The following EIF2A variants were observed in gnomAD, a reference collection of about 807,000 sequenced individuals.
EIF2A encodes eukaryotic translation initiation factor 2A.
Under a neutral mutation model 75.2 loss-of-function variants are expected in EIF2A, and 62 were observed. The ratio of observed to expected loss-of-function variants is 0.82; its 90% CI spans 0.67 to 1.02. The LOEUF is 1.02. EIF2A is among the 50% of genes least tolerant of loss of function. The pLI, the probability that EIF2A is intolerant of heterozygous loss-of-function variation, is 0.00. For synonymous variants in EIF2A, 207 were observed against 239.0 expected (o/e 0.87, Z 1.23); for missense variants, 611 against 677.7 (o/e 0.90, Z 1.09).
intron 10 of EIF2A, among the ~76,000 whole-genome samples, chr3:150,573,452 C>T (rs1410086026): frequency 6.6e-6 from 1 of 152,086 alleles, no homozygotes; most frequent in Admixed American, 6.6e-5. Context: ...GGGTTTTGCC[C>T]TGTTGGCCAG....
intron 10 of EIF2A, among the ~76,000 whole-genome samples, chr3:150,573,782 T>A (rs922357457): frequency 6.6e-6 from 1 of 151,636 alleles, no homozygotes; most frequent in African/African-American, 2.4e-5. Context: ...AGGAGGAGAG[T>A]TACACAGCAG....
intron 12 of EIF2A, 85 bp from the exon 13 acceptor site, chr3:150,583,115 A>C: frequency 8.9e-7 from 1 of 1,119,186 alleles, no homozygotes; most frequent in East Asian, 2.6e-5. Flanking sequence ...TAATCTCCTT[A>C]CTTGAGTTTC....
chr3:150,548,776 C>T lies in EIF2A; in HGVS notation c.28+1946C>T, dbSNP rs553623902. ...CTTAAAATCAGGGACTTTGTAAGAG[C>T]TTAAATGTTGTCTGTTCAGTCTACT... On this transcript the variant is annotated intron_variant, in intron 1 of 13. Coordinates refer to ENST00000460851, the MANE Select transcript of EIF2A (RefSeq NM_032025.5). Among the ~76,000 whole-genome samples the T allele has an allele frequency of 1.2e-4, 18 of 152,274 alleles. 1 individual carries two copies. The South Asian group carries it at 3.7e-3, about 32-fold the overall frequency.
At chr3:150,563,712 TATC>T (rs1724007266) in intron 5 of EIF2A, 98 bp downstream of exon 5, 2 of 972,020 alleles carry the variant, frequency 2.1e-6, no homozygotes, top group Non-Finnish European at 2.9e-6. Flanking sequence ...AAAAATAACT[TATC>T]AGACAAAAAT....
intron 11 of EIF2A, among the ~76,000 whole-genome samples, chr3:150,578,244 C>T (rs994388045): frequency 1.3e-5 from 2 of 149,916 alleles, no homozygotes; most frequent in African/African-American, 4.9e-5. Context: ...TTCCTTTATA[C>T]TTATTATATA....
At position 150,585,491 on chromosome 3, in the gene EIF2A, G is replaced by A. The variant is rs1725422008; in HGVS notation, c.*1580G>A. The A allele has an allele frequency of 6.6e-6, 1 of 151,170 alleles. No homozygotes were observed. The highest frequency in any genetic ancestry group is 2.4e-5 in the African/African-American group (1 of 41,098). The allele number at this position is 151,170 out of a possible 1,614,324, so 9.4% of individuals were successfully genotyped here. On this transcript the variant is annotated 3_prime_UTR_variant, in exon 14 of 14. Coordinates refer to ENST00000460851, the MANE Select transcript of EIF2A (RefSeq NM_032025.5). Reference sequence around the variant, plus strand: ...CCGACATCGTGCCATTGCACTCCAAGCCTGGGCAACAAGAGTGAAACCGTC... The same window carrying A: ...CCGACATCGTGCCATTGCACTCCAAACCTGGGCAACAAGAGTGAAACCGTC...
Position 150,563,534 on chromosome 3 carries a change from T to C in EIF2A, c.312T>C (p.Ala104=). The change falls in exon 5 of 14, where the codon GCT becomes GCC. Residue 104 remains alanine, a synonymous_variant. Coordinates refer to ENST00000460851, the MANE Select transcript of EIF2A (RefSeq NM_032025.5). ...TTGCAGCTTCTAAAGATGGCACAGC[T>C]GGGATACCCAACCTACAACTTTATG... is the stretch of plus-strand genomic sequence containing the variant. ...QPYTTSKDGT[A]GIPNLQLYDV... 1 of 1,547,962 alleles carries C rather than the reference T, an allele frequency of 6.5e-7. No individual in the cohort carries two copies. The highest frequency in any genetic ancestry group is 1.2e-5 in the South Asian group (1 of 82,120).
intron 2 of EIF2A, among the ~76,000 whole-genome samples, chr3:150,554,140 C>T (rs1000031954): frequency 6.6e-6 from 1 of 152,176 alleles, no homozygotes; most frequent in Non-Finnish European, 1.5e-5. Context: ...AAGAGATTCA[C>T]ACCAACCTAA....
rs532132023 is a variant in EIF2A, at chr3:150,564,159, A to T, written c.393-140A>T. 52 of 648,140 alleles carry T rather than the reference A, an allele frequency of 8.0e-5. 1 individual carries two copies. In the Admixed American group the frequency reaches 1.4e-3, roughly 17 times the overall value. 40.1% of individuals were successfully genotyped at this position (648,140 alleles called of 1,614,324 possible). A position where few individuals can be genotyped will look rare whatever the true frequency, so the allele number is the denominator to read the frequency against. ...TATTGACTAAAACTATTAGTAACTG[A>T]CTTAATATCATATTTATAAGTGTTT... On this transcript the variant is annotated intron_variant, in intron 5 of 13. Transcript: ENST00000460851.
chr3:150,553,583 G>A (rs1221471299), intron 2 of EIF2A, among the ~76,000 whole-genome samples: 1 of 151,590 alleles, frequency 6.6e-6, no homozygotes, highest in African/African-American at 2.4e-5. Context: ...TAATTTTTTT[G>A]TATTTGTAGT....
intron 11 of EIF2A, among the ~76,000 whole-genome samples, chr3:150,577,414 G>A (rs948718257): frequency 6.6e-6 from 1 of 151,914 alleles, no homozygotes; most frequent in Admixed American, 6.6e-5. Context: ...GCATGATCAC[G>A]GCTCACTGCA....
At chr3:150,568,544 A>G (rs1211485530) in intron 9 of EIF2A, among the ~76,000 whole-genome samples, 2 of 152,206 alleles carry the variant, frequency 1.3e-5, no homozygotes, top group Non-Finnish European at 2.9e-5. Context: ...AGGTAATTCC[A>G]TTGTAGTAGC....
At position 150,558,456 on chromosome 3, in the gene EIF2A, G is replaced by T; in HGVS notation, c.167G>T (p.Gly56Val). The T allele has an allele frequency of 6.6e-7, 1 of 1,505,316 alleles. No individual in the cohort carries two copies. Among genetic ancestry groups the T allele is most frequent in the South Asian group, 1.4e-5 (1 of 73,192 alleles). The allele number at this position is 1,505,316 out of a possible 1,614,324, so 93.2% of individuals were successfully genotyped here. A position where few individuals can be genotyped will look rare whatever the true frequency, so the allele number is the denominator to read the frequency against. Residue 56 changes from glycine (G) to valine (V), a missense_variant, in exon 3 of 14, where the codon GGA becomes GTA. Transcript: ENST00000460851. ...GGGACCTTGTTTGCCTGGGGCAATG[G>T]AGAAAAGTTAGTGTTCATTTACATA... ...KDGTLFAWGN[G>V]EKVNIISVTN...
intron 2 of EIF2A, among the ~76,000 whole-genome samples, chr3:150,557,357 T>C (rs2107912688): frequency 6.6e-6 from 1 of 152,238 alleles, no homozygotes; most frequent in East Asian, 1.9e-4. Flanking sequence ...TAGGGTAGTA[T>C]AGGATGGGGA....
chr3:150,584,003 C>T lies in EIF2A; in HGVS notation c.*92C>T. The T allele has an allele frequency of 8.9e-7, 1 of 1,129,220 alleles. No individual in the cohort carries two copies. The allele number at this position is 1,129,220 out of a possible 1,614,324, so 70.0% of individuals were successfully genotyped here. On this transcript the variant is annotated 3_prime_UTR_variant, in exon 14 of 14. Transcript: ENST00000460851. ...TATACACAGAATATTCCTGTGCCCA[C>T]ACTTAATGTCAATCTATAATTTTAA...
At position 150,549,216 on chromosome 3, in the gene EIF2A, TTC is replaced by T. The variant is rs200905185; in HGVS notation, c.28+2388_28+2389del. Among the ~76,000 whole-genome samples, 661 of 105,568 alleles carry T rather than the reference TTC, an allele frequency of 6.3e-3. 1 individual carries two copies. Among genetic ancestry groups the T allele is most frequent in the African/African-American group, 0.021 (628 of 29,988 alleles). 69.3% of individuals were successfully genotyped at this position (105,568 alleles called of 152,430 possible). On this transcript the variant is annotated intron_variant, in intron 1 of 13. Coordinates refer to ENST00000460851, the MANE Select transcript of EIF2A (RefSeq NM_032025.5). ...CAGAAATCTGTTTTTCTTTCTTTCT[TTC>T]TTTCTTTTTTTTTTTTTTTGAGATA...
At chr3:150,562,281 G>T (rs376017545) in intron 3 of EIF2A, among the ~76,000 whole-genome samples, 7 of 151,852 alleles carry the variant, frequency 4.6e-5, no homozygotes, top group Non-Finnish European at 7.4e-5. Context: ...AATTAGCCGG[G>T]CGTGGTGGCG....
intron 1 of EIF2A, 141 bp from the exon 2 acceptor site, chr3:150,552,215 T>G: frequency 1.5e-6 from 1 of 665,182 alleles, no homozygotes; most frequent in Non-Finnish European, 2.5e-6. Flanking sequence ...GCCCTTTTGT[T>G]GCTAATATTC....
intron 3 of EIF2A, among the ~76,000 whole-genome samples, chr3:150,559,274 T>G (rs1723725124): frequency 6.6e-6 from 1 of 152,212 alleles, no homozygotes; most frequent in African/African-American, 2.4e-5. Flanking sequence ...AAAGAGAACA[T>G]GTTGAATTAG....
Sources: allele counts gnomAD v4.1 joint callset (sites outside exome capture counted in the v4.1 genomes callset), GRCh38; gene constraint gnomAD v4.1.1; transcripts MANE v1.5; gene names NCBI Gene and HGNC (gene_info 2026-07-23, HGNC 2026-07-21).